Variants in RECK observed in about 807,000 individuals in gnomAD.
RECK encodes the protein reversion-inducing cysteine-rich protein with Kazal motifs.
A neutral mutation model predicts 115.1 loss-of-function variants in RECK; 69 were observed. The ratio of observed to expected loss-of-function variants is 0.60; its 90% CI spans 0.49 to 0.73. RECK has a LOEUF of 0.73. Among genes scored for constraint, RECK ranks in the 30% least tolerant of loss-of-function variants. RECK has a pLI of 0.00. For missense variants in RECK, 1,047 were observed against 1,203.7 expected, an observed-to-expected ratio of 0.87 and a Z score of 1.93; for synonymous variants, 414 against 419.7, an observed-to-expected ratio of 0.99 and a Z score of 0.17.
At chr9:36,054,045 C>T (rs1430948290) in intron 2 of RECK, among the ~76,000 whole-genome samples, 1 of 152,158 alleles carries the variant, frequency 6.6e-6, no homozygotes, top group South Asian at 2.1e-4. Flanking sequence ...ACTCAATGGT[C>T]GGCTAAGTCG....
At position 36,045,226 on chromosome 9, in the gene RECK, T is replaced by TA. The variant is rs371409016; in HGVS notation, c.101-7038dup. On this transcript the variant is annotated intron_variant, in intron 1 of 20. Coordinates refer to ENST00000377966, the MANE Select transcript of RECK (RefSeq NM_021111.3). ...TGGCTGACTGTATACTTTATGCAGA[T>TA]ATACCCACGTGTATATTTTTAAAGG... Among the ~76,000 whole-genome samples, 788 of 152,334 alleles carry TA rather than the reference T, an allele frequency of 5.2e-3. 6 individuals are homozygous for TA. The highest frequency in any genetic ancestry group is 0.018 in the African/African-American group (754 of 41,570).
At chr9:36,054,211 A>G (rs1821426237) in intron 2 of RECK, among the ~76,000 whole-genome samples, 1 of 152,196 alleles carries the variant, frequency 6.6e-6, no homozygotes, top group Non-Finnish European at 1.5e-5. Flanking sequence ...AGTCTTGATG[A>G]CATTTAGATT....
At chr9:36,102,981 A>G (rs1038497982) in intron 12 of RECK, among the ~76,000 whole-genome samples, 52 of 151,732 alleles carry the variant, frequency 3.4e-4, no homozygotes, top group African/African-American at 1.2e-3. Context: ...ATTATAGTCT[A>G]GCTTAATATG....
At position 36,118,617 on chromosome 9, in the gene RECK, C is replaced by T; in HGVS notation, c.2254-140C>T. On this transcript the variant is annotated intron_variant, in intron 17 of 20. Transcript: ENST00000377966. ...CCACCACCCCCAGCATTTAGCCCAC[C>T]TCAGGAACTTAAGAGGTCCTCATAA... The T allele has an allele frequency of 5.3e-6, 4 of 755,074 alleles. No individual in the cohort carries two copies. In the East Asian group the frequency reaches 1.1e-4, roughly 21 times the overall value. 46.8% of individuals were successfully genotyped at this position (755,074 alleles called of 1,614,324 possible).
chr9:36,117,232 A>G (rs1824302304), intron 17 of RECK, 55 bp downstream of exon 17: 5 of 1,417,406 alleles, frequency 3.5e-6, no homozygotes, highest in Non-Finnish European at 4.8e-6. Flanking sequence ...TTGGTTTATG[A>G]TATTTTACAG....
Position 36,036,972 on chromosome 9 carries a change from G to T in RECK, c.-27G>T. ...CGGCCAAGCTGGGTCCGAGCATCCC[G>T]CGGCTCTGGAGCCGCCCGGCCCGGA... On this transcript the variant is annotated 5_prime_UTR_variant, in exon 1 of 21. Coordinates refer to ENST00000377966, the MANE Select transcript of RECK (RefSeq NM_021111.3). 1 of 1,392,886 alleles carries T rather than the reference G, an allele frequency of 7.2e-7. No homozygotes were observed. 86.3% of individuals were successfully genotyped at this position (1,392,886 alleles called of 1,614,324 possible).
intron 1 of RECK, among the ~76,000 whole-genome samples, chr9:36,050,160 G>A (rs980707814): frequency 2.6e-5 from 4 of 151,936 alleles, no homozygotes; most frequent in Admixed American, 6.6e-5. Context: ...GAGTCTTCCC[G>A]AACTCATATA....
At chr9:36,116,076 G>A (rs937245977) in intron 16 of RECK, among the ~76,000 whole-genome samples, 5 of 143,600 alleles carry the variant, frequency 3.5e-5, no homozygotes, top group East Asian at 1.9e-4. Flanking sequence ...TCAGATCCTC[G>A]GTCTTGTAGG....
At chr9:36,045,845 G>C (rs549704988) in intron 1 of RECK, among the ~76,000 whole-genome samples, 3 of 152,074 alleles carry the variant, frequency 2.0e-5, no homozygotes, top group African/African-American at 7.2e-5. Context: ...TATACACATG[G>C]CCAAAACCAG....
intron 10 of RECK, among the ~76,000 whole-genome samples, chr9:36,093,405 A>G (rs971658206): frequency 6.6e-6 from 1 of 151,068 alleles, no homozygotes; most frequent in African/African-American, 2.5e-5. Context: ...TAAAGAATCT[A>G]ATTATGATAA....
intron 10 of RECK, among the ~76,000 whole-genome samples, chr9:36,095,316 A>G (rs1201024060): frequency 6.6e-6 from 1 of 152,260 alleles, no homozygotes; most frequent in Non-Finnish European, 1.5e-5. Context: ...GATTATTCTT[A>G]TAACTATTAG....
intron 1 of RECK, among the ~76,000 whole-genome samples, chr9:36,047,323 C>T (rs1024336262): frequency 4.6e-5 from 7 of 152,008 alleles, no homozygotes; most frequent in African/African-American, 9.7e-5. Context: ...TATAAGAAAG[C>T]GTCGGCCAGG....
chr9:36,052,250 ATT>A lies in RECK; in HGVS notation c.101-10_101-9del. ...AACAGTGGAACAACATTTGATGTTT[ATT>A]TTTTCTCCCTAGGTGCATTGTGTTG... On this transcript the variant is annotated splice_polypyrimidine_tract_variant and intron_variant, in intron 1 of 20. Coordinates refer to ENST00000377966, the MANE Select transcript of RECK (RefSeq NM_021111.3). 1 of 1,577,252 alleles carries A rather than the reference ATT, an allele frequency of 6.3e-7. No homozygotes were observed. The highest frequency in any genetic ancestry group is 8.7e-7 in the Non-Finnish European group (1 of 1,146,806).
intron 10 of RECK, among the ~76,000 whole-genome samples, chr9:36,097,269 A>T (rs1377128857): frequency 6.6e-6 from 1 of 150,978 alleles, no homozygotes; most frequent in Non-Finnish European, 1.5e-5. Context: ...TGAAAGTTGC[A>T]GTGAGCTGAG....
chr9:36,071,115 C>A (rs1419569734), intron 6 of RECK, among the ~76,000 whole-genome samples: 1 of 152,154 alleles, frequency 6.6e-6, no homozygotes, highest in Non-Finnish European at 1.5e-5. Flanking sequence ...CATACTTGTG[C>A]ACATTGGCTG....
chr9:36,058,686 A>T (rs910233357), intron 2 of RECK, 141 bp from the exon 3 acceptor site: 11 of 234,686 alleles, frequency 4.7e-5, no homozygotes, highest in Non-Finnish European at 7.0e-5. Flanking sequence ...AATAAATAAA[A>T]ATTTAAAAAT....
chr9:36,066,936 C>T (rs1013227287), intron 6 of RECK: 3 of 1,087,438 alleles, frequency 2.8e-6, no homozygotes, highest in Non-Finnish European at 3.7e-6. Context: ...AGTCTATCTT[C>T]CCTAATTTGG....
In RECK at chr9:36,077,785, G is replaced by A. The variant is rs564696218; in HGVS notation, c.406-2820G>A. Reference sequence around the variant, plus strand: ...TGACATCAAGGGAAGCAACTGTGCCGTTTTCCTTTTTCTTCAGGTATTGGG... The same window carrying A: ...TGACATCAAGGGAAGCAACTGTGCCATTTTCCTTTTTCTTCAGGTATTGGG... On this transcript the variant is annotated intron_variant, in intron 6 of 20. Transcript: ENST00000377966. 5.9e-5 allele frequency among the ~76,000 whole-genome samples: 9 copies of A among 152,236 alleles called. 1 individual carries two copies. The highest frequency in any genetic ancestry group is 4.1e-4 in the South Asian group (2 of 4,824).
At chr9:36,122,764 G>A in intron 20 of RECK, 60 bp from the exon 21 acceptor site, 2 of 1,387,466 alleles carry the variant, frequency 1.4e-6, no homozygotes, top group Middle Eastern at 3.6e-4. Context: ...GAATTTGTCT[G>A]GCTTGATGTT....
Sources: allele counts gnomAD v4.1 joint callset (sites outside exome capture counted in the v4.1 genomes callset), GRCh38; gene constraint gnomAD v4.1.1; transcripts MANE v1.5; gene names NCBI Gene and HGNC (gene_info 2026-07-23, HGNC 2026-07-21).